Variants in CSPP1 observed in about 807,000 individuals in gnomAD.
CSPP1 encodes the protein centrosome and spindle pole associated protein 1.
In CSPP1, 126 loss-of-function variants were observed where a neutral mutation model predicts 164.4. That is an observed-to-expected ratio of 0.77 (90% CI 0.66 to 0.89). CSPP1 has a LOEUF of 0.89. Among genes scored for constraint, CSPP1 ranks in the 40% least tolerant of loss-of-function variants. CSPP1 has a pLI of 0.00. For missense variants in CSPP1, 1,395 were observed against 1,449.8 expected (o/e 0.96, Z 0.61); for synonymous variants, 472 against 476.7 (o/e 0.99, Z 0.13).
intron 1 of CSPP1, among the ~76,000 whole-genome samples, chr8:67,072,869 C>CAAAAAAAAAAAAAAA (rs58087584): frequency 5.1e-5 from 3 of 59,274 alleles, no homozygotes; most frequent in African/African-American, 1.0e-4. Context: ...GAGCCTGTCT[C>CAAAAAAAAAAAAAAA]AAAAAAAAAA....
At position 67,103,217 on chromosome 8, in the gene CSPP1, T is replaced by C. The variant is rs888225213; in HGVS notation, c.1022+82T>C. ...GCCTAAAACTGGCTAACTGAAAAAGTAGAAAGATACAGTAAATTAACAGCC... is the reference window on the plus strand; with the variant it reads ...GCCTAAAACTGGCTAACTGAAAAAGCAGAAAGATACAGTAAATTAACAGCC... On this transcript the variant is annotated intron_variant, in intron 8 of 30. Transcript: ENST00000678616. 1.7e-5 allele frequency: 13 copies of C among 762,886 alleles called. No individual in the cohort carries two copies. The African/African-American group carries it at 2.3e-4, about 13-fold the overall frequency. 47.3% of individuals were successfully genotyped at this position (762,886 alleles called of 1,614,324 possible).
intron 8 of CSPP1, among the ~76,000 whole-genome samples, chr8:67,105,531 C>G (rs1177619469): frequency 6.6e-6 from 1 of 152,070 alleles, no homozygotes; most frequent in African/African-American, 2.4e-5. Flanking sequence ...CAGGCCTCCA[C>G]CACTGCACTC....
chr8:67,162,572 A>G (rs969672957), intron 22 of CSPP1, among the ~76,000 whole-genome samples: 1 of 152,246 alleles, frequency 6.6e-6, no homozygotes, highest in Non-Finnish European at 1.5e-5. Context: ...TAGATAATGC[A>G]TAGGAATTCA....
At chr8:67,184,727 AAATAAT>A (rs1175566643) in intron 28 of CSPP1, among the ~76,000 whole-genome samples, 1 of 148,080 alleles carries the variant, frequency 6.8e-6, no homozygotes. Flanking sequence ...CTGTCTAAAA[AAATAAT>A]AATAAAAAAA....
At chr8:67,146,268 C>T (rs1157828950) in intron 17 of CSPP1, among the ~76,000 whole-genome samples, 1 of 151,784 alleles carries the variant, frequency 6.6e-6, no homozygotes, top group Non-Finnish European at 1.5e-5. Flanking sequence ...GGACTACAGA[C>T]ACATGCTACC....
chr8:67,100,472 CA>C (rs1347969112), intron 7 of CSPP1, among the ~76,000 whole-genome samples: 1 of 152,124 alleles, frequency 6.6e-6, no homozygotes. Context: ...AAGGAAGCCA[CA>C]AGCCCTATGT....
Position 67,076,512 on chromosome 8 carries a change from A to T in CSPP1, c.130A>T (p.Ser44Cys), listed in dbSNP as rs1352388387. The T allele has an allele frequency of 6.3e-7, 1 of 1,597,016 alleles. No individual in the cohort carries two copies. Among genetic ancestry groups the T allele is most frequent in the South Asian group, 1.1e-5 (1 of 87,460 alleles). ...GTTGTCAGCGAAGCTTTCTGAAAACAGTAAGATACTGATCTCTATGGCTAA... is the reference window on the plus strand; with the variant it reads ...GTTGTCAGCGAAGCTTTCTGAAAACTGTAAGATACTGATCTCTATGGCTAA... ...GKLSAKLSEN[S>C]KILISMAKEN... The change falls in exon 3 of 31, where the codon AGT becomes TGT. Residue 44 changes from serine (S) to cysteine (C), a missense_variant. By Grantham distance (112) the Ser-to-Cys change is moderately radical. Transcript: ENST00000678616.
intron 24 of CSPP1, among the ~76,000 whole-genome samples, chr8:67,168,673 A>C (rs1022952009): frequency 1.3e-5 from 2 of 152,224 alleles, no homozygotes; most frequent in Admixed American, 6.5e-5. Flanking sequence ...GATTAAAGAC[A>C]TCTCAGAGTT....
chr8:67,130,571 G>A (rs1260972400), intron 15 of CSPP1, among the ~76,000 whole-genome samples: 1 of 152,134 alleles, frequency 6.6e-6, no homozygotes, highest in African/African-American at 2.4e-5. Context: ...CAATGTGACA[G>A]TATACACAAA....
chr8:67,074,395 C>T, intron 2 of CSPP1, 44 bp downstream of exon 2: 1 of 1,195,410 alleles, frequency 8.4e-7, no homozygotes, highest in South Asian at 1.3e-5. Context: ...TTATAATTGT[C>T]TATGGAGATT....
chr8:67,136,451 C>T (rs1006734004), intron 16 of CSPP1, among the ~76,000 whole-genome samples: 1 of 151,700 alleles, frequency 6.6e-6, no homozygotes, highest in African/African-American at 2.4e-5. Flanking sequence ...CTCCTGTAGT[C>T]CCAGCTACTC....
chr8:67,153,131 G>A (rs1382457528), intron 18 of CSPP1, among the ~76,000 whole-genome samples: 1 of 152,146 alleles, frequency 6.6e-6, no homozygotes, highest in Non-Finnish European at 1.5e-5. Context: ...GAACCTGGGA[G>A]GCAGAGGTTG....
intron 18 of CSPP1, among the ~76,000 whole-genome samples, chr8:67,152,086 CAAAAAA>C (rs1185447488): frequency 5.2e-5 from 3 of 58,144 alleles, no homozygotes; most frequent in Admixed American, 3.5e-4. Context: ...GACTCCATCT[CAAAAAA>C]AAAAAAAAAA....
At chr8:67,149,490 T>G (rs1303984790) in intron 17 of CSPP1, among the ~76,000 whole-genome samples, 8 of 152,340 alleles carry the variant, frequency 5.3e-5, no homozygotes, top group Non-Finnish European at 1.2e-4. Context: ...ATTAAAGAAA[T>G]TCTAAGTTCT....
chr8:67,067,043 A>T (rs1296439245), intron 1 of CSPP1, among the ~76,000 whole-genome samples: 1 of 152,214 alleles, frequency 6.6e-6, no homozygotes, highest in Admixed American at 6.5e-5. Context: ...GGCGTGAGCC[A>T]CGGTGCCCAG....
At chr8:67,156,737 C>T (rs958942872) in intron 19 of CSPP1, among the ~76,000 whole-genome samples, 5 of 152,188 alleles carry the variant, frequency 3.3e-5, no homozygotes, top group African/African-American at 1.2e-4. Context: ...CCACAGTTAG[C>T]TCAAGTTAAT....
chr8:67,110,936 G>A (rs1816728760), intron 9 of CSPP1, among the ~76,000 whole-genome samples: 1 of 152,106 alleles, frequency 6.6e-6, no homozygotes, highest in African/African-American at 2.4e-5. Context: ...ATCATGGTCA[G>A]AAGTGAAATG....
Position 67,132,005 on chromosome 8 carries a change from A to G in CSPP1, c.1752A>G (p.Ser584=). ...LKITSDQVIN[S]GLIFEDKPKP... is the part of the protein sequence containing the mutation. The stretch of plus-strand genomic sequence containing the variant: ...TTACAAGTGATCAAGTGATAAATTC[A>G]GGATTGATTTTTGAAGATAAACCGA... Residue 584 remains serine, a synonymous_variant, in exon 16 of 31, where the codon TCA becomes TCG. Transcript: ENST00000678616. The G allele has an allele frequency of 6.2e-7, 1 of 1,613,800 alleles. No individual in the cohort carries two copies. The highest frequency in any genetic ancestry group is 8.5e-7 in the Non-Finnish European group (1 of 1,179,752).
intron 21 of CSPP1, among the ~76,000 whole-genome samples, chr8:67,160,026 C>CTTTTCTTTTTCTTTTTCT (rs1554606078): frequency 1.9e-5 from 1 of 53,676 alleles, no homozygotes; most frequent in African/African-American, 1.1e-4. Context: ...CTTTTCTTTT[C>CTTTTCTTTTTCTTTTTCT]TTTTCTTTTT....
Sources: gnomAD v4.1 joint callset for allele counts (sites outside exome capture counted in the v4.1 genomes callset) on GRCh38, gnomAD v4.1.1 for gene constraint, MANE v1.5 for transcripts, NCBI Gene and HGNC (gene_info 2026-07-23, HGNC 2026-07-21) for gene names.